Variants in GCSAML observed in about 807,000 individuals in gnomAD.
The protein encoded by GCSAML is germinal center associated signaling and motility like, also known as germinal center-associated signaling and motility-like protein.
GCSAML carries 9 observed loss-of-function variants against 13.0 expected under a neutral mutation model. The ratio of observed to expected loss-of-function variants is 0.69; its 90% CI spans 0.42 to 1.21. The LOEUF is 1.21. Ranked by LOEUF, GCSAML falls within the 50% of genes most tolerant of loss-of-function variation. The pLI is 0.00. For synonymous variants in GCSAML, 37 were observed against 52.9 expected (o/e 0.70, Z 1.31); for missense variants, 143 against 153.4 (o/e 0.93, Z 0.36).
chr1:247,527,326 C>A lies in GCSAML; in HGVS notation c.-148+272C>A, dbSNP rs374555586. Reference sequence around the variant, plus strand: ...ACATAAACTGATGAGGACCTGCACTCCTGTCCTGAGTTGACACCCAGCCTT... The same window carrying A: ...ACATAAACTGATGAGGACCTGCACTACTGTCCTGAGTTGACACCCAGCCTT... On this transcript the variant is annotated intron_variant, in intron 2 of 5. Coordinates refer to the GCSAML transcript ENST00000366489. This position sits in a 1 kb window ranked among gnomAD's most constrained non-coding sequence, Gnocchi z 4.6. 9.6e-5 allele frequency: 22 copies of A among 229,576 alleles called. No homozygotes were observed. Among genetic ancestry groups the A allele is most frequent in the African/African-American group, 5.0e-4 (22 of 43,624 alleles). The allele number at this position is 229,576 out of a possible 1,614,324, so 14.2% of individuals were successfully genotyped here. A position where few individuals can be genotyped will look rare whatever the true frequency, so the allele number is the denominator to read the frequency against.
chr1:247,526,298 C>T lies in GCSAML; in HGVS notation c.-262-642C>T, dbSNP rs1358523792. On this transcript the variant is annotated intron_variant, in intron 1 of 5. Coordinates refer to the GCSAML transcript ENST00000366489. The surrounding 1 kb of genome is among the most constrained non-coding windows in gnomAD (Gnocchi z 4.8). ...ATTTTTAAAGTTTATATTTTTTACT[C>T]TATCTGGCTCATAATACCTGACCTA... The T allele has an allele frequency of 6.6e-6, 1 of 152,158 alleles. No homozygotes were observed. The highest frequency in any genetic ancestry group is 1.5e-5 in the Non-Finnish European group (1 of 68,030). The allele number at this position is 152,158 out of a possible 1,614,324, so 9.4% of individuals were successfully genotyped here.
chr1:247,514,203 T>C (rs938636284), intron 1 of GCSAML, among the ~76,000 whole-genome samples: 1 of 152,114 alleles, frequency 6.6e-6, no homozygotes, highest in Non-Finnish European at 1.5e-5. Context: ...ATGGCCCGGA[T>C]CTCTTGACCT....
At chr1:247,536,297 A>G (rs1667214414) in intron 2 of GCSAML, 1 of 152,248 alleles carries the variant, frequency 6.6e-6, no homozygotes, top group Non-Finnish European at 1.5e-5. Flanking sequence ...ATAGGAGTTT[A>G]GCCAGGGGAT....
chr1:247,551,556 G>T (rs771635507), intron 1 of GCSAML, among the ~76,000 whole-genome samples: 1 of 152,168 alleles, frequency 6.6e-6, no homozygotes, highest in African/African-American at 2.4e-5. Flanking sequence ...GACACAGAGA[G>T]AAATAGACAA....
intron 4 of GCSAML, among the ~76,000 whole-genome samples, chr1:247,568,252 G>A (rs893096109): frequency 6.6e-6 from 1 of 152,158 alleles, no homozygotes; most frequent in African/African-American, 2.4e-5. Context: ...CTTTGCCCAT[G>A]CCTATGTCCT....
chr1:247,511,247 G>A (rs1666025812), intron 1 of GCSAML, among the ~76,000 whole-genome samples: 1 of 152,150 alleles, frequency 6.6e-6, no homozygotes, highest in Non-Finnish European at 1.5e-5. Flanking sequence ...TCTCCTTGTT[G>A]CATTGATCCT....
chr1:247,535,646 A>G (rs1667190422), intron 2 of GCSAML, among the ~76,000 whole-genome samples: 1 of 152,224 alleles, frequency 6.6e-6, no homozygotes, highest in South Asian at 2.1e-4. Context: ...CTCATGAGGT[A>G]ATAGTTTAGT....
At chr1:247,518,531 C>G (rs1276637942) in intron 1 of GCSAML, 2 of 152,366 alleles carry the variant, frequency 1.3e-5, no homozygotes, top group Non-Finnish European at 2.9e-5. Flanking sequence ...CTCATCCCCA[C>G]GCTGAGAGGA....
chr1:247,564,428 A>G (rs1668262864), intron 3 of GCSAML, among the ~76,000 whole-genome samples: 1 of 151,742 alleles, frequency 6.6e-6, no homozygotes, highest in Admixed American at 6.6e-5. Context: ...CATAGTATCT[A>G]GGTATAGTAA....
chr1:247,545,203 G>T (rs1482589844), upstream of GCSAML, among the ~76,000 whole-genome samples: 1 of 152,192 alleles, frequency 6.6e-6, no homozygotes, highest in Non-Finnish European at 1.5e-5. Context: ...AATGAGCAGG[G>T]ACTCGCTGTC....
At chr1:247,513,411 A>T (rs1371526229) in intron 1 of GCSAML, among the ~76,000 whole-genome samples, 1 of 152,224 alleles carries the variant, frequency 6.6e-6, no homozygotes, top group Non-Finnish European at 1.5e-5. Flanking sequence ...TGGCAGTGAG[A>T]ATTTCAAGCC....
chr1:247,532,246 G>A (rs749263540), intron 2 of GCSAML: 2 of 1,614,216 alleles, frequency 1.2e-6, no homozygotes, highest in Non-Finnish European at 1.7e-6. Flanking sequence ...GGTTTTCTGT[G>A]GTCCCCAGAG....
chr1:247,523,281 T>C (rs1332219116), intron 1 of GCSAML, among the ~76,000 whole-genome samples: 2 of 152,110 alleles, frequency 1.3e-5, no homozygotes, highest in Non-Finnish European at 2.9e-5. Flanking sequence ...CCTGAAGGAA[T>C]AAAAGATCTA....
At chr1:247,537,668 C>T (rs1667267314) in intron 2 of GCSAML, among the ~76,000 whole-genome samples, 1 of 150,266 alleles carries the variant, frequency 6.7e-6, no homozygotes, top group Non-Finnish European at 1.5e-5. Flanking sequence ...TTTTTACAAT[C>T]TTTTTTTTTT....
intron 2 of GCSAML, among the ~76,000 whole-genome samples, chr1:247,543,799 A>G (rs58710623): frequency 6.6e-6 from 1 of 151,694 alleles, no homozygotes; most frequent in South Asian, 2.1e-4. Flanking sequence ...TATTAAAAAA[A>G]TTTTTTTAGA....
intron 1 of GCSAML, among the ~76,000 whole-genome samples, chr1:247,517,786 A>T (rs1422133771): frequency 6.6e-6 from 1 of 152,280 alleles, no homozygotes; most frequent in East Asian, 1.9e-4. Context: ...CCGCACTGAG[A>T]GGACAGAACA....
At chr1:247,530,813 G>A (rs1175820199) in intron 2 of GCSAML, 2 of 7,530 alleles carry the variant, frequency 2.7e-4, no homozygotes, top group Non-Finnish European at 8.5e-4. Flanking sequence ...GCCGCCTCTG[G>A]ACCGCCTTCC....
rs185309071 is a variant in GCSAML, at chr1:247,550,823, A to G, written c.29+1603A>G. Reference sequence around the variant, plus strand: ...CTTCTTTTAAAGTTAAGCAATATTTATGGAAAGCCTAGGTAAGACAATGGT... The same window carrying G: ...CTTCTTTTAAAGTTAAGCAATATTTGTGGAAAGCCTAGGTAAGACAATGGT... On this transcript the variant is annotated intron_variant, in intron 1 of 4. Transcript: ENST00000366488. Among the ~76,000 whole-genome samples, 434 of 152,296 alleles carry G rather than the reference A, an allele frequency of 2.8e-3. 1 individual carries two copies. The highest frequency in any genetic ancestry group is 7.5e-3 in the African/African-American group (311 of 41,548).
chr1:247,508,183 CCTGA>C (rs1198312006), intron 1 of GCSAML, among the ~76,000 whole-genome samples: 3 of 152,186 alleles, frequency 2.0e-5, no homozygotes, highest in African/African-American at 7.2e-5. Context: ...TCTGTTGTTT[CCTGA>C]CTTTTTAATG....
Sources: gnomAD v4.1 joint callset for allele counts (sites outside exome capture counted in the v4.1 genomes callset) on GRCh38, gnomAD v4.1.1 for gene constraint, Gnocchi (gnomAD v3.1) non-coding constraint, MANE v1.5 for transcripts, NCBI Gene and HGNC (gene_info 2026-07-23, HGNC 2026-07-21) for gene names.